Variants in DDX31 observed in about 807,000 individuals in gnomAD.
DDX31 encodes ATP-dependent DNA helicase DDX31.
Under a neutral mutation model 91.3 loss-of-function variants are expected in DDX31, and 70 were observed. That is an observed-to-expected ratio of 0.77 (90% confidence interval 0.63 to 0.94). The LOEUF (loss-of-function observed/expected upper bound fraction) is 0.94. Among genes scored for constraint, DDX31 ranks in the 40% least tolerant of loss-of-function variants. The probability of loss-of-function intolerance (pLI) is 0.00; values close to 1 mark genes in which losing one functional copy is unlikely to be tolerated. For synonymous variants in DDX31, 362 were observed against 350.6 expected (o/e 1.03, Z -0.36); for missense variants, 902 against 925.0 (o/e 0.98, Z 0.32).
chr9:132,630,986 CG>C (rs1376376815), intron 15 of DDX31, among the ~76,000 whole-genome samples: 1 of 152,220 alleles, frequency 6.6e-6, no homozygotes, highest in Non-Finnish European at 1.5e-5. Context: ...CTACAGAATG[CG>C]GGCAGGTGAG....
At chr9:132,612,410 C>A in intron 18 of DDX31, 155 bp from the exon 19 acceptor site, 1 of 781,286 alleles carries the variant, frequency 1.3e-6, no homozygotes, top group Non-Finnish European at 2.0e-6. Context: ...AAAATCTAGA[C>A]TTCTGTGTAT....
intron 6 of DDX31, among the ~76,000 whole-genome samples, chr9:132,657,544 T>A (rs1337232694): frequency 1.3e-5 from 2 of 152,252 alleles, no homozygotes; most frequent in East Asian, 3.8e-4. Flanking sequence ...CAGTTTGAAC[T>A]CACGGATATT....
intron 1 of DDX31, among the ~76,000 whole-genome samples, chr9:132,664,633 C>T (rs1444508929): frequency 2.8e-5 from 4 of 143,870 alleles, no homozygotes; most frequent in Non-Finnish European, 6.0e-5. Flanking sequence ...CACCTGAGCC[C>T]GGGAGGTCAA....
At chr9:132,634,629 G>C (rs117764073) in intron 14 of DDX31, among the ~76,000 whole-genome samples, 2,299 of 122,168 alleles carry the variant, frequency 0.019, 33 homozygotes, top group Admixed American at 0.041. Context: ...GTCTCATTCT[G>C]CTGCCCAGGC....
chr9:132,652,926 C>T (rs1323386852), intron 6 of DDX31, among the ~76,000 whole-genome samples: 1 of 152,102 alleles, frequency 6.6e-6, no homozygotes, highest in Non-Finnish European at 1.5e-5. Context: ...TCAAATTAAA[C>T]CTCTTTGTCT....
intron 18 of DDX31, among the ~76,000 whole-genome samples, chr9:132,616,452 A>T (rs949405007): frequency 1.5e-4 from 23 of 152,242 alleles, no homozygotes; most frequent in African/African-American, 5.1e-4. Context: ...GATGACCGAG[A>T]CACCTTGAAA....
At chr9:132,630,552 C>G (rs911734892) in intron 15 of DDX31, 149 bp from the exon 16 acceptor site, 3 of 748,406 alleles carry the variant, frequency 4.0e-6, no homozygotes, top group Non-Finnish European at 5.7e-6. Context: ...AGAAGTCACC[C>G]AACCCTGAAA....
chr9:132,651,001 A>G, intron 8 of DDX31, 74 bp downstream of exon 8: 1 of 1,322,212 alleles, frequency 7.6e-7, no homozygotes, highest in Non-Finnish European at 1.1e-6. Context: ...GAAAATAAAG[A>G]ATAGACTGTA....
At chr9:132,657,149 T>C (rs1365465054) in intron 6 of DDX31, among the ~76,000 whole-genome samples, 1 of 152,192 alleles carries the variant, frequency 6.6e-6, no homozygotes, top group Non-Finnish European at 1.5e-5. Context: ...AGTTCACAAA[T>C]AGTAATTGAA....
At chr9:132,639,513 G>A (rs1833352391) in intron 14 of DDX31, among the ~76,000 whole-genome samples, 1 of 152,246 alleles carries the variant, frequency 6.6e-6, no homozygotes, top group African/African-American at 2.4e-5. Context: ...GGGAGGTACT[G>A]TGCTTTGCCA....
At chr9:132,637,177 A>C (rs1833170863) in intron 14 of DDX31, among the ~76,000 whole-genome samples, 1 of 152,114 alleles carries the variant, frequency 6.6e-6, no homozygotes, top group African/African-American at 2.4e-5. Context: ...TCCCAGGGAA[A>C]CAGCAGAGGC....
At position 132,648,546 on chromosome 9, in the gene DDX31, C is replaced by A; in HGVS notation, c.746G>T (p.Arg249Leu). 6.2e-7 allele frequency: 1 copy of A among 1,607,730 alleles called. No individual in the cohort carries two copies. The highest frequency in any genetic ancestry group is 8.5e-7 in the Non-Finnish European group (1 of 1,178,060). ...EKRKSEKARL[R>L]KGINILISTP... ...TGAGATAAGGATATTTATTCCTTTGCGGAGTCTGTTTAAAATTATATATCA... is the reference window on the plus strand; with the variant it reads ...TGAGATAAGGATATTTATTCCTTTGAGGAGTCTGTTTAAAATTATATATCA... Residue 249 changes from arginine (R) to leucine (L), a missense_variant, in exon 10 of 20, where the codon CGC becomes CTC. Transcript: ENST00000372159.
intron 14 of DDX31, among the ~76,000 whole-genome samples, chr9:132,632,822 T>C (rs1374583507): frequency 6.6e-6 from 1 of 152,176 alleles, no homozygotes; most frequent in Non-Finnish European, 1.5e-5. Flanking sequence ...GCAATGGAGA[T>C]TTATTTTTTA....
At position 132,664,075 on chromosome 9, in the gene DDX31, C is replaced by T. The variant is rs1444390859; in HGVS notation, c.76-1380G>A. Among the ~76,000 whole-genome samples the T allele has an allele frequency of 3.9e-5, 6 of 152,188 alleles. No homozygotes were observed. The East Asian group carries it at 9.6e-4, about 24-fold the overall frequency. On this transcript the variant is annotated intron_variant, in intron 1 of 19. Transcript: ENST00000372159. ...CCTCTCCCTGCACACCTCCTGCATC[C>T]CATGAGGCAGCCCATTCTGTTCATG...
intron 1 of DDX31, chr9:132,663,311 T>A (rs1224070793): frequency 4.7e-6 from 6 of 1,288,990 alleles, no homozygotes; most frequent in Non-Finnish European, 5.1e-6. Flanking sequence ...TCCTACGCCC[T>A]GTTCCCATTC....
intron 14 of DDX31, among the ~76,000 whole-genome samples, chr9:132,634,784 T>C (rs1042181222): frequency 1.3e-5 from 2 of 151,962 alleles, no homozygotes; most frequent in African/African-American, 4.8e-5. Context: ...CTGCCCAGGC[T>C]GGTCTTAAAC....
rs147166812 is a variant in DDX31 at position 132,648,683 on chromosome 9, CA to C, written c.741-133del. 2,081 of 1,089,136 alleles carry C rather than the reference CA, an allele frequency of 1.9e-3. 32 individuals carry two copies. In the African/African-American group the frequency reaches 0.031, roughly 16 times the overall value. The allele number at this position is 1,089,136 out of a possible 1,614,324, so 67.5% of individuals were successfully genotyped here. A position where few individuals can be genotyped will look rare whatever the true frequency, so the allele number is the denominator to read the frequency against. The stretch of plus-strand genomic sequence containing the variant: ...AACGTGCCATAGCCTGAAATCATGA[CA>C]AAACATAAAAACTGGGTAGAAAGCT... On this transcript the variant is annotated intron_variant, in intron 9 of 19. Transcript: ENST00000372159.
At chr9:132,599,711 A>G (rs980500161) in intron 19 of DDX31, among the ~76,000 whole-genome samples, 8 of 152,360 alleles carry the variant, frequency 5.3e-5, no homozygotes, top group African/African-American at 1.9e-4. Flanking sequence ...GTGTAGTACA[A>G]TTAAAACATA....
At chr9:132,638,188 A>G in intron 14 of DDX31, 1 of 1,466,728 alleles carries the variant, frequency 6.8e-7, no homozygotes, top group Non-Finnish European at 9.0e-7. Flanking sequence ...CACTCCATCC[A>G]GGGACAATCA....
Sources: allele counts gnomAD v4.1 joint callset (sites outside exome capture counted in the v4.1 genomes callset), GRCh38; gene constraint gnomAD v4.1.1; transcripts MANE v1.5; gene names NCBI Gene and HGNC (gene_info 2026-07-23, HGNC 2026-07-21).